NRK: variants seen among roughly 807,000 people sequenced by gnomAD.
NRK encodes the protein nik-related protein kinase.
NRK carries 67 observed loss-of-function variants against 125.2 expected under a neutral mutation model. That is an observed-to-expected ratio of 0.54 (90% confidence interval 0.44 to 0.66). The LOEUF is 0.66. Among genes scored for constraint, NRK ranks in the 30% least tolerant of loss-of-function variants. NRK has a pLI of 0.00. For missense variants in NRK, 1,224 were observed against 1,192.9 expected, an observed-to-expected ratio of 1.03 and a Z score of -0.38; for synonymous variants, 458 against 429.0, an observed-to-expected ratio of 1.07 and a Z score of -0.84.
At chrX:105,845,504 A>C (rs1223433378) in intron 2 of NRK, among the ~76,000 whole-genome samples, 1 of 112,008 alleles carries the variant, frequency 8.9e-6, no homozygotes, top group African/African-American at 3.2e-5. Flanking sequence ...ATGAAGAACA[A>C]ATACATTTTT....
At chrX:105,941,381 T>C (rs1049292754) in intron 23 of NRK, among the ~76,000 whole-genome samples, 2 of 111,158 alleles carry the variant, frequency 1.8e-5, no homozygotes, top group African/African-American at 6.6e-5. Flanking sequence ...CCTTCCAAGA[T>C]CCACAAGACA....
intron 7 of NRK, among the ~76,000 whole-genome samples, chrX:105,896,554 G>T (rs947935675): frequency 1.8e-5 from 2 of 111,632 alleles, no homozygotes; most frequent in Admixed American, 1.9e-4. Flanking sequence ...AATACATAAG[G>T]AGAGGCCAGG....
intron 2 of NRK, among the ~76,000 whole-genome samples, chrX:105,839,463 C>T (rs948585774): frequency 9.0e-6 from 1 of 111,400 alleles, no homozygotes; most frequent in African/African-American, 3.3e-5. Flanking sequence ...TGCCACAAGT[C>T]CAGAGCTATG....
chrX:105,877,112 T>A (rs2039825161), intron 2 of NRK, among the ~76,000 whole-genome samples: 2 of 111,947 alleles, frequency 1.8e-5, no homozygotes. Context: ...CCTGATATGA[T>A]GTGATGAAAA....
At chrX:105,835,210 C>T (rs2039246847) in intron 2 of NRK, among the ~76,000 whole-genome samples, 1 of 111,608 alleles carries the variant, frequency 9.0e-6, no homozygotes, top group African/African-American at 3.3e-5. Flanking sequence ...AGATAAACTA[C>T]ATTTGAGTTA....
chrX:105,935,770 G>T (rs1426248881), intron 21 of NRK, among the ~76,000 whole-genome samples: 1 of 105,301 alleles, frequency 9.5e-6, no homozygotes, highest in Non-Finnish European at 1.9e-5. Flanking sequence ...CAGCCCGGGC[G>T]ACAGTGCAAG....
chrX:105,853,099 T>C (rs1178537214), intron 2 of NRK, among the ~76,000 whole-genome samples: 2 of 111,738 alleles, frequency 1.8e-5, no homozygotes, highest in African/African-American at 6.5e-5. Context: ...GACCTTTTGG[T>C]ATGGTTGATT....
At chrX:105,887,705 C>T (rs1234182969) in intron 4 of NRK, among the ~76,000 whole-genome samples, 1 of 111,720 alleles carries the variant, frequency 9.0e-6, no homozygotes, top group African/African-American at 3.3e-5. Flanking sequence ...CACAAAAGAC[C>T]ATGTTATATG....
intron 8 of NRK, 124 bp downstream of exon 8, chrX:105,898,838 T>C (rs1277919239): frequency 1.6e-5 from 8 of 495,751 alleles, no homozygotes; most frequent in Non-Finnish European, 2.5e-5. Flanking sequence ...TAAATGCTAG[T>C]AGGAAATACA....
At chrX:105,928,643 A>G (rs1027368921) in intron 19 of NRK, among the ~76,000 whole-genome samples, 2 of 111,001 alleles carry the variant, frequency 1.8e-5, no homozygotes, top group Non-Finnish European at 3.8e-5. Context: ...CTTGTCTCTT[A>G]CTACTGCTTT....
In NRK at chrX:105,909,508, C is replaced by G. The variant is rs748344200; in HGVS notation, c.1867C>G (p.Gln623Glu). The G allele has an allele frequency of 2.5e-6, 3 of 1,210,554 alleles. No homozygotes were observed. The highest frequency in any genetic ancestry group is 2.2e-6 in the Non-Finnish European group (2 of 894,835). ...EGQTEGSPQA[Q>E]AWTLEPPQAI... ...GCAAACTGAAGGATCACCTCAGGCACAGGCTTGGACACTAGAACCCCCACA... is the reference window on the plus strand; with the variant it reads ...GCAAACTGAAGGATCACCTCAGGCAGAGGCTTGGACACTAGAACCCCCACA... The change falls in exon 13 of 29, where the codon CAG becomes GAG. Residue 623 changes from glutamine to glutamate, a missense_variant. Gln to Glu is a conservative substitution (Grantham distance 29, BLOSUM62 2). Transcript: ENST00000243300.
rs2040863755 is a variant in NRK at position 105,949,577 on chromosome X, C to T, written c.4356C>T (p.Pro1452=). Residue 1452 remains proline (P), a splice_region_variant and synonymous_variant, in exon 27 of 29, where the codon CCC becomes CCT. Coordinates refer to ENST00000243300, the MANE Select transcript of NRK (RefSeq NM_198465.4). The stretch of plus-strand genomic sequence containing the variant: ...ATCTTTATGAAACATAATTCCAGCC[C>T]CTGGAAATCATTATACCACAGAATA... The part of the protein sequence containing the change: ...VMSDVTLPKN[P]LEIIIPQNII... 8.4e-7 allele frequency: 1 copy of T among 1,185,663 alleles called. No individual in the cohort carries two copies. The highest frequency in any genetic ancestry group is 1.1e-6 in the Non-Finnish European group (1 of 875,416).
Position 105,908,855 on chromosome X carries a change from C to A in NRK, c.1214C>A (p.Ala405Glu). Reference protein sequence around the residue: ...LPDREEPQVQALQQLQGAARV... With the variant: ...LPDREEPQVQELQQLQGAARV... ...GATCGAGAAGAGCCACAGGTCCAGGCACTTCAGCAGCTACAGGGAGCAGCC... is the reference window on the plus strand; with the variant it reads ...GATCGAGAAGAGCCACAGGTCCAGGAACTTCAGCAGCTACAGGGAGCAGCC... The change falls in exon 13 of 29, where the codon GCA becomes GAA. Residue 405 changes from alanine (A) to glutamate (E), a missense_variant. By Grantham distance (107) the Ala-to-Glu change is moderately radical (BLOSUM62 -1). Coordinates refer to ENST00000243300, the MANE Select transcript of NRK (RefSeq NM_198465.4). The A allele has an allele frequency of 8.3e-7, 1 of 1,209,748 alleles. No individual in the cohort carries two copies. Among genetic ancestry groups the A allele is most frequent in the Non-Finnish European group, 1.1e-6 (1 of 893,837 alleles).
intron 16 of NRK, 92 bp from the exon 17 acceptor site, chrX:105,921,872 A>G (rs2040454403): frequency 2.6e-6 from 1 of 389,797 alleles, no homozygotes; most frequent in East Asian, 4.1e-5. Context: ...AAAAAAAAGA[A>G]AAAAAACCAA....
intron 7 of NRK, among the ~76,000 whole-genome samples, chrX:105,897,126 ATTAGAGT>A (rs2147731142): frequency 8.9e-6 from 1 of 112,519 alleles, no homozygotes; most frequent in East Asian, 2.8e-4. Flanking sequence ...CTACTGCTGG[ATTAGAGT>A]TTAATCAGAT....
At chrX:105,871,315 T>C (rs1602626598) in intron 2 of NRK, among the ~76,000 whole-genome samples, 1 of 111,237 alleles carries the variant, frequency 9.0e-6, no homozygotes, top group Non-Finnish European at 1.9e-5. Context: ...GAAAATACCA[T>C]TTACTTATGG....
At position 105,953,042 on chromosome X, in the gene NRK, T is replaced by A. The variant is rs1398524418; in HGVS notation, c.4522T>A (p.Cys1508Ser). The A allele has an allele frequency of 8.6e-7, 1 of 1,165,661 alleles. No individual in the cohort carries two copies. The highest frequency in any genetic ancestry group is 1.2e-6 in the Non-Finnish European group (1 of 867,584). The change falls in exon 28 of 29, where the codon TGT (cysteine) becomes AGT (serine). Residue 1508 changes from cysteine to serine, a missense_variant. Coordinates refer to ENST00000243300, the MANE Select transcript of NRK (RefSeq NM_198465.4). ...TTTCATTTGTATTGTAGCTTTTGAA[T>A]GTACACAGCGAACCACAGGATGGGG... ...KDIPSSIAFE[C>S]TQRTTGWGQK... is the part of the protein sequence containing the mutation.
intron 2 of NRK, among the ~76,000 whole-genome samples, chrX:105,844,428 C>T (rs1362537479): frequency 9.0e-6 from 1 of 111,704 alleles, no homozygotes; most frequent in Non-Finnish European, 1.9e-5. Flanking sequence ...TGGAAATTAC[C>T]AAAATGTTTG....
chrX:105,887,419 G>GA, intron 4 of NRK, among the ~76,000 whole-genome samples: 1 of 111,961 alleles, frequency 8.9e-6, no homozygotes, highest in South Asian at 3.7e-4. Flanking sequence ...TAATAAAACA[G>GA]AAAATAGCAA....
Sources: allele counts gnomAD v4.1 joint callset (sites outside exome capture counted in the v4.1 genomes callset), GRCh38; gene constraint gnomAD v4.1.1; transcripts MANE v1.5; gene names NCBI Gene and HGNC (gene_info 2026-07-23, HGNC 2026-07-21).